The following PGM5 variants were observed in gnomAD, a reference collection of about 807,000 sequenced individuals.
The protein encoded by PGM5 is phosphoglucomutase-like protein 5.
PGM5 carries 23 observed loss-of-function variants against 59.2 expected under a neutral mutation model. That is an observed-to-expected ratio of 0.39 (90% confidence interval 0.28 to 0.55). The LOEUF (loss-of-function observed/expected upper bound fraction) is 0.55. PGM5 is among the 20% of genes least tolerant of loss of function. The pLI is 0.66. For missense variants in PGM5, 574 were observed against 748.3 expected (o/e 0.77, Z 2.72); for synonymous variants, 214 against 286.0 (o/e 0.75, Z 2.54).
chr9:68,374,299 T>C (rs1161128406), intron 1 of PGM5, among the ~76,000 whole-genome samples: 436 of 152,206 alleles, frequency 2.9e-3, no homozygotes, highest in African/African-American at 9.0e-3. Context: ...GGTTCTTCCA[T>C]ATTGCCAGTT....
chr9:68,404,149 T>C (rs769036545), intron 6 of PGM5, among the ~76,000 whole-genome samples: 3 of 152,114 alleles, frequency 2.0e-5, no homozygotes, highest in Non-Finnish European at 4.4e-5. Flanking sequence ...GTTTTGGAGA[T>C]GAAGTCTTGC....
chr9:68,367,933 T>C (rs1452908847), intron 1 of PGM5, among the ~76,000 whole-genome samples: 2 of 151,876 alleles, frequency 1.3e-5, no homozygotes, highest in Non-Finnish European at 2.9e-5. Flanking sequence ...TATTCACCTA[T>C]ATTCTACCTA....
In PGM5 at chr9:68,518,490, G is replaced by T. The variant is rs56227835; in HGVS notation, c.1615-11077G>T. Among the ~76,000 whole-genome samples, 476 of 152,234 alleles carry T rather than the reference G, an allele frequency of 3.1e-3. 3 individuals are homozygous for T. Among genetic ancestry groups the T allele is most frequent in the African/African-American group, 0.011 (438 of 41,534 alleles). The stretch of plus-strand genomic sequence containing the variant: ...TTTATTCAATACACACTGTAAAATA[G>T]TTATTTTCACTATGTTCATGGAAAT... On this transcript the variant is annotated intron_variant, in intron 10 of 10. Coordinates refer to ENST00000396396, the MANE Select transcript of PGM5 (RefSeq NM_021965.4).
intron 6 of PGM5, among the ~76,000 whole-genome samples, chr9:68,420,112 G>T (rs1823102799): frequency 6.6e-6 from 1 of 152,070 alleles, no homozygotes; most frequent in Non-Finnish European, 1.5e-5. Context: ...TATTTAATGG[G>T]CTCAGCCATT....
intron 9 of PGM5, chr9:68,498,024 A>G (rs1554688320): frequency 6.6e-6 from 1 of 152,308 alleles, no homozygotes; most frequent in Non-Finnish European, 1.5e-5. Flanking sequence ...GGTCAGGCCA[A>G]AAAAGAAGTC....
chr9:68,529,585 A>T lies in PGM5; in HGVS notation c.1633A>T (p.Ile545Leu). Residue 545 changes from isoleucine to leucine, a missense_variant, in exon 11 of 11, where the codon ATA becomes TTA. Ile to Leu is a conservative substitution (Grantham distance 5). Coordinates refer to ENST00000396396, the MANE Select transcript of PGM5 (RefSeq NM_021965.4). Reference sequence around the variant, plus strand: ...TTTGCAGGCAGTGCTGAGCCCTCTCATAGCCATCGCACTGAAAATATCCCA... The same window carrying T: ...TTTGCAGGCAGTGCTGAGCCCTCTCTTAGCCATCGCACTGAAAATATCCCA... ...QEPQAVLSPL[I>L]AIALKISQIH... is the part of the protein sequence containing the mutation. 4 of 1,597,440 alleles carry T rather than the reference A, an allele frequency of 2.5e-6. No individual in the cohort carries two copies. Among genetic ancestry groups the T allele is most frequent in the Non-Finnish European group, 2.6e-6 (3 of 1,169,176 alleles).
rs2987641 is a variant in PGM5 at position 68,359,698 on chromosome 9, C to A, written c.261+2310C>A. On this transcript the variant is annotated intron_variant, in intron 1 of 10. Coordinates refer to ENST00000396396, the MANE Select transcript of PGM5 (RefSeq NM_021965.4). ...GTCTTTTTTGATATCCTATTGGATA[C>A]TCATAAGCAGGCTAGAAAAATAGAA... Among the ~76,000 whole-genome samples the A allele has an allele frequency of 1.4e-4, 22 of 152,196 alleles. 2 individuals are homozygous for A. The highest frequency in any genetic ancestry group is 1.2e-3 in the East Asian group (6 of 5,182).
chr9:68,436,555 G>A (rs1412181228), intron 6 of PGM5, among the ~76,000 whole-genome samples: 3 of 152,146 alleles, frequency 2.0e-5, no homozygotes, highest in Non-Finnish European at 4.4e-5. Flanking sequence ...AACAACATGA[G>A]GCTTTTTCTC....
chr9:68,466,011 TA>T, intron 7 of PGM5: 1 of 522,588 alleles, frequency 1.9e-6, no homozygotes. Context: ...GCTCAGCTAT[TA>T]TTTTTTCAAA....
chr9:68,415,805 A>ATCTGTCTG (rs1273017727), intron 6 of PGM5, among the ~76,000 whole-genome samples: 1 of 69,396 alleles, frequency 1.4e-5, no homozygotes, highest in African/African-American at 4.6e-5. Flanking sequence ...CTATCTATCT[A>ATCTGTCTG]TCTATCTATC....
chr9:68,498,251 A>G (rs1292170164), intron 9 of PGM5: 3 of 152,184 alleles, frequency 2.0e-5, no homozygotes, highest in African/African-American at 7.2e-5. Flanking sequence ...AGGTGTTTCT[A>G]TTAAAATTTC....
intron 6 of PGM5, among the ~76,000 whole-genome samples, chr9:68,408,967 T>G (rs1459548040): frequency 6.6e-6 from 1 of 152,164 alleles, no homozygotes; most frequent in Non-Finnish European, 1.5e-5. Flanking sequence ...CATGCTGTTT[T>G]GGTTACTGTA....
chr9:68,456,418 C>A (rs113924378), intron 6 of PGM5, among the ~76,000 whole-genome samples: 8 of 151,762 alleles, frequency 5.3e-5, no homozygotes, highest in Non-Finnish European at 1.0e-4. Flanking sequence ...TCACACCATT[C>A]TCCTGCTTCA....
chr9:68,356,887 G>A lies in PGM5; in HGVS notation c.-241G>A. 1 of 418,672 alleles carries A rather than the reference G, an allele frequency of 2.4e-6. No individual in the cohort carries two copies. Among genetic ancestry groups the A allele is most frequent in the Non-Finnish European group, 4.2e-6 (1 of 239,846 alleles). 25.9% of individuals were successfully genotyped at this position (418,672 alleles called of 1,614,324 possible). ...CTGGCAGCGGAGAAGGTGGGTGGGA[G>A]AAAACTTTACAGGAAGGCAGAAGCA... On this transcript the variant is annotated 5_prime_UTR_variant, in exon 1 of 11. Coordinates refer to ENST00000396396, the MANE Select transcript of PGM5 (RefSeq NM_021965.4).
chr9:68,430,374 A>G (rs1194639891), intron 6 of PGM5, among the ~76,000 whole-genome samples: 2 of 152,268 alleles, frequency 1.3e-5, no homozygotes, highest in South Asian at 4.1e-4. Flanking sequence ...AGTGCATTTC[A>G]TGCTTTCGCT....
At position 68,384,538 on chromosome 9, in the gene PGM5, T is replaced by C. The variant is rs199546450; in HGVS notation, c.565T>C (p.Phe189Leu). ...TGACCTAGAAAACAAATTCAAACCA[T>C]TCAGAGGTAACAGAGATTTTATTTT... ...EFDLENKFKP[F>L]RVEIVDPVDI... The change falls in exon 3 of 11, where the codon TTC (phenylalanine) becomes CTC (leucine). Residue 189 changes from phenylalanine to leucine, a missense_variant. This residue lies in a region of PGM5 where 103 missense variants were observed against 112.4 expected (regional missense o/e 0.92). Coordinates refer to ENST00000396396, the MANE Select transcript of PGM5 (RefSeq NM_021965.4). The C allele has an allele frequency of 7.0e-5, 112 of 1,607,316 alleles. No homozygotes were observed. The African/African-American group carries it at 1.2e-3, about 17-fold the overall frequency.
intron 6 of PGM5, among the ~76,000 whole-genome samples, chr9:68,441,397 C>T (rs201081038): frequency 6.6e-6 from 1 of 151,956 alleles, no homozygotes; most frequent in East Asian, 1.9e-4. Flanking sequence ...AATATTAACA[C>T]AATATATCTA....
rs1460508988 is a variant in PGM5 at position 68,458,648 on chromosome 9, G to A, written c.1044-6445G>A. On this transcript the variant is annotated intron_variant, in intron 6 of 10. Coordinates refer to ENST00000396396, the MANE Select transcript of PGM5 (RefSeq NM_021965.4). The stretch of plus-strand genomic sequence containing the variant: ...GCAAGGCAGGGGTTATTTAATATGT[G>A]GATTTTGAAGTTTAGACCAGGCTGA... Among the ~76,000 whole-genome samples the A allele has an allele frequency of 3.9e-5, 6 of 152,246 alleles. No individual in the cohort carries two copies. The East Asian group carries it at 1.2e-3, about 29-fold the overall frequency.
At chr9:68,461,907 A>G (rs1409145806) in intron 6 of PGM5, among the ~76,000 whole-genome samples, 3 of 152,094 alleles carry the variant, frequency 2.0e-5, no homozygotes, top group Non-Finnish European at 2.9e-5. Flanking sequence ...AATGAATAGC[A>G]TAAAGAAGGA....
Sources: gnomAD v4.1 joint callset for allele counts (sites outside exome capture counted in the v4.1 genomes callset) on GRCh38, gnomAD v4.1.1 for gene constraint, gnomAD v4.1.1 regional missense constraint, MANE v1.5 for transcripts, NCBI Gene and HGNC (gene_info 2026-07-23, HGNC 2026-07-21) for gene names.